NAGLU: variants seen among roughly 807,000 people sequenced by gnomAD.
NAGLU encodes the protein N-acetyl-alpha-glucosaminidase.
A neutral mutation model predicts 43.4 loss-of-function variants in NAGLU; 34 were observed. The observed-to-expected ratio is 0.78, with a 90% CI of 0.60 to 1.04. The LOEUF (loss-of-function observed/expected upper bound fraction) is 1.04, where lower values mean the gene tolerates loss of function less well. NAGLU is among the 50% of genes least tolerant of loss of function. The pLI, the probability that NAGLU is intolerant of heterozygous loss-of-function variation, is 0.00. For synonymous variants in NAGLU, 425 were observed against 437.6 expected, an observed-to-expected ratio of 0.97 and a Z score of 0.36; for missense variants, 910 against 993.7, an observed-to-expected ratio of 0.92 and a Z score of 1.13.
rs750078603 is a variant in NAGLU at position 42,544,061 on chromosome 17, T to C, written c.2055T>C (p.Ser685=). 16 of 1,613,798 alleles carry C rather than the reference T, an allele frequency of 9.9e-6. No individual in the cohort carries two copies. Among genetic ancestry groups the C allele is most frequent in the Non-Finnish European group, 1.4e-5 (16 of 1,179,886 alleles). Reference sequence around the variant, plus strand: ...TTTTCCTGGAGGCGCTGGTTGACAGTGTGGCCCAGGGCATCCCTTTCCAAC... The same window carrying C: ...TTTTCCTGGAGGCGCTGGTTGACAGCGTGGCCCAGGGCATCCCTTTCCAAC... ...WRLFLEALVD[S]VAQGIPFQQH... Residue 685 remains serine (S), a synonymous_variant, in exon 6 of 6, where the codon AGT becomes AGC. Coordinates refer to ENST00000225927, the MANE Select transcript of NAGLU (RefSeq NM_000263.4).
intron 4 of NAGLU, among the ~76,000 whole-genome samples, chr17:42,539,692 CT>C (rs1261176284): frequency 1.3e-5 from 2 of 152,238 alleles, no homozygotes; most frequent in Non-Finnish European, 2.9e-5. Flanking sequence ...GGGCTTACCC[CT>C]GATAGGAGAG....
chr17:42,538,130 C>G (rs930088274), intron 2 of NAGLU, among the ~76,000 whole-genome samples: 1 of 152,216 alleles, frequency 6.6e-6, no homozygotes, highest in African/African-American at 2.4e-5. Context: ...TGCCCCATCT[C>G]CTCACCCATG....
chr17:42,541,123 CT>C lies in NAGLU; in HGVS notation c.941del (p.Phe314SerfsTer25). On this transcript the variant is annotated frameshift_variant, in exon 5 of 6. Coordinates refer to ENST00000225927, the MANE Select transcript of NAGLU (RefSeq NM_000263.4). LOFTEE classifies it high-confidence loss of function. ...ACAGACCACATCTATGGGGCCGACA[CT>C]TTCAATGAGATGCAGCCACCTTCCT... ...FGTDHIYGAD[T>X]FNEMQPPSSE... 6.2e-7 allele frequency: 1 copy of C among 1,614,114 alleles called. No homozygotes were observed. The highest frequency in any genetic ancestry group is 8.5e-7 in the Non-Finnish European group (1 of 1,180,022).
intron 5 of NAGLU, among the ~76,000 whole-genome samples, chr17:42,542,797 A>G (rs2092924708): frequency 6.6e-6 from 1 of 152,232 alleles, no homozygotes; most frequent in Admixed American, 6.5e-5. Flanking sequence ...CCCATTCAGA[A>G]ACCTCCATGT....
intron 3 of NAGLU, 56 bp from the exon 4 acceptor site, chr17:42,538,614 G>T: frequency 6.2e-7 from 1 of 1,611,976 alleles, no homozygotes; most frequent in Non-Finnish European, 8.5e-7. Context: ...GGAGATGAGG[G>T]CCTTCTCATA....
At chr17:42,537,804 C>T (rs994408792) in intron 2 of NAGLU, among the ~76,000 whole-genome samples, 2 of 151,486 alleles carry the variant, frequency 1.3e-5, no homozygotes, top group Admixed American at 1.3e-4. Context: ...TGTGAAACCC[C>T]GTCTCTACTA....
chr17:42,540,554 GGT>G (rs1261882608), intron 4 of NAGLU, among the ~76,000 whole-genome samples: 1 of 151,810 alleles, frequency 6.6e-6, no homozygotes, highest in Non-Finnish European at 1.5e-5. Flanking sequence ...AAATTAGCCG[GGT>G]GTGGTGGCGG....
intron 3 of NAGLU, 73 bp downstream of exon 3, chr17:42,538,558 C>G (rs1599256156): frequency 6.2e-7 from 1 of 1,612,876 alleles, no homozygotes; most frequent in East Asian, 2.2e-5. Context: ...TGGTATTAGG[C>G]CGGCCCCAGG....
At position 42,543,925 on chromosome 17, in the gene NAGLU, A is replaced by T; in HGVS notation, c.1919A>T (p.Gln640Leu). The change falls in exon 6 of 6, where the codon CAG (glutamine) becomes CTG (leucine). Residue 640 changes from glutamine (Q) to leucine (L), a missense_variant. Transcript: ENST00000225927. ...GAGGCCGAGGCCGATTTCTACGAGC[A>T]GAACAGCCGCTACCAGCTGACCTTG... ...VSEAEADFYE[Q>L]NSRYQLTLWG... 1 of 1,607,444 alleles carries T rather than the reference A, an allele frequency of 6.2e-7. No individual in the cohort carries two copies. The highest frequency in any genetic ancestry group is 8.5e-7 in the Non-Finnish European group (1 of 1,177,250).
In NAGLU at chr17:42,538,463, A is replaced by G; in HGVS notation, c.656A>G (p.His219Arg). The part of the protein sequence containing the change: ...TWDGPLPPSW[H>R]IKQLYLQHRV... Reference sequence around the variant, plus strand: ...GATGGCCCCCTGCCCCCCTCCTGGCACATCAAGCAGCTTTACCTGCAGGTA... The same window carrying G: ...GATGGCCCCCTGCCCCCCTCCTGGCGCATCAAGCAGCTTTACCTGCAGGTA... The change falls in exon 3 of 6, where the codon CAC (histidine) becomes CGC (arginine). Residue 219 changes from histidine to arginine, a missense_variant. Transcript: ENST00000225927. The G allele has an allele frequency of 6.2e-7, 1 of 1,614,098 alleles. No homozygotes were observed. Among genetic ancestry groups the G allele is most frequent in the Non-Finnish European group, 8.5e-7 (1 of 1,180,022 alleles).
intron 5 of NAGLU, 97 bp downstream of exon 5, chr17:42,541,303 C>T: frequency 6.6e-7 from 1 of 1,515,068 alleles, no homozygotes; most frequent in Non-Finnish European, 9.0e-7. Flanking sequence ...TGGAATAATG[C>T]CTCGCCATAA....
chr17:42,542,651 G>A (rs1039103368), intron 5 of NAGLU, among the ~76,000 whole-genome samples: 5 of 152,188 alleles, frequency 3.3e-5, no homozygotes, highest in African/African-American at 9.7e-5. Context: ...CTGCCATTAC[G>A]CTAGGCTAAT....
Position 42,536,659 on chromosome 17 carries a change from C to T in NAGLU, c.383+4C>T. The T allele has an allele frequency of 6.7e-7, 1 of 1,497,040 alleles. No individual in the cohort carries two copies. The highest frequency in any genetic ancestry group is 1.2e-5 in the South Asian group (1 of 80,544). The allele number at this position is 1,497,040 out of a possible 1,614,324, so 92.7% of individuals were successfully genotyped here. ...TGACCGAGGCCACGCCCAACAGGTA[C>T]CGCCCCGAAGCTTCCCCGCGTCCGC... On this transcript the variant is annotated splice_donor_region_variant and intron_variant, in intron 1 of 5. Transcript: ENST00000225927.
At chr17:42,536,738 C>T (rs1434832153) in intron 1 of NAGLU, 83 bp downstream of exon 1, 3 of 1,348,868 alleles carry the variant, frequency 2.2e-6, no homozygotes, top group Admixed American at 7.2e-5. Context: ...GGAGGCTGAG[C>T]GGGGAGCGCT....
intron 1 of NAGLU, chr17:42,537,123 C>T: frequency 2.0e-6 from 1 of 495,944 alleles, no homozygotes; most frequent in Non-Finnish European, 3.7e-6. Flanking sequence ...AAACACCGTG[C>T]AGAGGAGGGG....
rs1280672579 is a variant in NAGLU at position 42,543,344 on chromosome 17, G to A, written c.1338G>A (p.Glu446=). The change falls in exon 6 of 6, where the codon GAG becomes GAA. Residue 446 remains glutamate (E), a synonymous_variant. Coordinates refer to ENST00000225927, the MANE Select transcript of NAGLU (RefSeq NM_000263.4). ...TGGTAGGCACGGGCATGGCCCCCGA[G>A]GGCATCAGCCAGAACGAAGTGGTCT... is the stretch of plus-strand genomic sequence containing the variant. ...STMVGTGMAP[E]GISQNEVVYS... 1 of 1,613,044 alleles carries A rather than the reference G, an allele frequency of 6.2e-7. No individual in the cohort carries two copies. The highest frequency in any genetic ancestry group is 8.5e-7 in the Non-Finnish European group (1 of 1,179,938).
chr17:42,538,115 C>A (rs2092911871), intron 2 of NAGLU, among the ~76,000 whole-genome samples: 1 of 152,190 alleles, frequency 6.6e-6, no homozygotes, highest in African/African-American at 2.4e-5. Flanking sequence ...GGGAAAGCCC[C>A]TTTGTGCCCC....
chr17:42,536,406 C>G lies in NAGLU; in HGVS notation c.134C>G (p.Ala45Gly). ...GCCCGGCTGCTGGGGCCAGGCCCCG[C>G]GGCCGACTTCTCCGTGTCGGTGGAG... The part of the protein sequence containing the change: ...LVARLLGPGP[A>G]ADFSVSVERA... The change falls in exon 1 of 6, where the codon GCG (alanine) becomes GGG (glycine). Residue 45 changes from alanine to glycine, a missense_variant. Coordinates refer to ENST00000225927, the MANE Select transcript of NAGLU (RefSeq NM_000263.4). The G allele has an allele frequency of 8.1e-7, 1 of 1,238,542 alleles. No homozygotes were observed. The highest frequency in any genetic ancestry group is 1.0e-6 in the Non-Finnish European group (1 of 981,292). The allele number at this position is 1,238,542 out of a possible 1,614,324, so 76.7% of individuals were successfully genotyped here. A position where few individuals can be genotyped will look rare whatever the true frequency, so the allele number is the denominator to read the frequency against.
intron 4 of NAGLU, among the ~76,000 whole-genome samples, chr17:42,539,943 A>G (rs113661626): frequency 0.07 from 10,597 of 151,864 alleles, 1,275 homozygotes; most frequent in African/African-American, 0.24. Flanking sequence ...GCGAAACCCC[A>G]TCTCTACTAA....
Sources: gnomAD v4.1 joint callset for allele counts (sites outside exome capture counted in the v4.1 genomes callset) on GRCh38, gnomAD v4.1.1 for gene constraint, MANE v1.5 for transcripts, NCBI Gene and HGNC (gene_info 2026-07-23, HGNC 2026-07-21) for gene names.